Variants in CGNL1 observed in about 807,000 individuals in gnomAD.
The protein encoded by CGNL1 is cingulin-like protein 1.
CGNL1 carries 132 observed loss-of-function variants against 141.2 expected under a neutral mutation model. The ratio of observed to expected loss-of-function variants is 0.93; its 90% CI spans 0.81 to 1.08. The LOEUF is 1.08. Ranked by LOEUF, CGNL1 falls within the 50% of genes least tolerant of loss-of-function variation. The pLI, the probability that CGNL1 is intolerant of heterozygous loss-of-function variation, is 0.00. For missense variants in CGNL1, 1,870 were observed against 1,588.6 expected (o/e 1.18, Z -3.01); for synonymous variants, 690 against 622.1 (o/e 1.11, Z -1.63).
At chr15:57,417,891 C>G (rs1483324227) in intron 1 of CGNL1, among the ~76,000 whole-genome samples, 5 of 152,090 alleles carry the variant, frequency 3.3e-5, no homozygotes, top group Non-Finnish European at 7.3e-5. Flanking sequence ...TTTGATGGAT[C>G]TCTGGATTGG....
intron 1 of CGNL1, among the ~76,000 whole-genome samples, chr15:57,430,351 C>G (rs1231195095): frequency 6.6e-6 from 1 of 152,124 alleles, no homozygotes; most frequent in East Asian, 1.9e-4. Flanking sequence ...GTAGGAGAAA[C>G]TTTCAGAAAT....
chr15:57,451,853 G>C (rs1432671563), intron 5 of CGNL1, among the ~76,000 whole-genome samples: 1 of 152,114 alleles, frequency 6.6e-6, no homozygotes, highest in African/African-American at 2.4e-5. Context: ...ATTTAGGCAG[G>C]CCAATGGGAA....
intron 1 of CGNL1, among the ~76,000 whole-genome samples, chr15:57,437,533 A>T (rs939425444): frequency 6.6e-6 from 1 of 150,408 alleles, no homozygotes; most frequent in East Asian, 2.0e-4. Context: ...TTCATGGAAA[A>T]GTACCTAGTT....
intron 8 of CGNL1, among the ~76,000 whole-genome samples, chr15:57,473,805 T>A (rs1406427284): frequency 6.6e-6 from 1 of 151,548 alleles, no homozygotes; most frequent in Admixed American, 6.6e-5. Flanking sequence ...TTCAGATGAC[T>A]ATAACCTTGA....
At chr15:57,420,047 C>G (rs1328492345) in intron 1 of CGNL1, among the ~76,000 whole-genome samples, 2 of 152,166 alleles carry the variant, frequency 1.3e-5, no homozygotes, top group Non-Finnish European at 1.5e-5. Flanking sequence ...TTAGTTGGCT[C>G]CTGTGTCCCT....
At chr15:57,399,716 A>G (rs935808850) in intron 1 of CGNL1, among the ~76,000 whole-genome samples, 3 of 152,028 alleles carry the variant, frequency 2.0e-5, no homozygotes, top group African/African-American at 7.2e-5. Flanking sequence ...TCCATTGAGG[A>G]TTGCAGGTCG....
At chr15:57,378,385 T>C (rs1262510646) in intron 1 of CGNL1, among the ~76,000 whole-genome samples, 3 of 122,676 alleles carry the variant, frequency 2.4e-5, no homozygotes, top group East Asian at 4.4e-4. Context: ...TTTTTTTTTT[T>C]TTTTTTTTTT....
chr15:57,448,758 C>G (rs545383958), intron 4 of CGNL1, among the ~76,000 whole-genome samples: 3 of 151,906 alleles, frequency 2.0e-5, no homozygotes, highest in Non-Finnish European at 2.9e-5. Flanking sequence ...TGGGTCATCT[C>G]TATGTCTGTT....
At chr15:57,544,368 A>G in intron 15 of CGNL1, 105 bp from the exon 16 acceptor site, 1 of 1,400,494 alleles carries the variant, frequency 7.1e-7, no homozygotes, top group East Asian at 2.3e-5. Context: ...AAGCAGCCTC[A>G]TCGCATGCAG....
intron 14 of CGNL1, among the ~76,000 whole-genome samples, chr15:57,543,252 G>A (rs74410657): frequency 1.1e-4 from 13 of 114,142 alleles, no homozygotes; most frequent in East Asian, 4.6e-4. Context: ...TCACGTGGCC[G>A]TCTTCCCTGT....
intron 11 of CGNL1, among the ~76,000 whole-genome samples, chr15:57,524,224 A>G (rs1300724070): frequency 6.6e-6 from 1 of 152,254 alleles, no homozygotes; most frequent in Non-Finnish European, 1.5e-5. Context: ...ATCTGTGGAT[A>G]CTAATTCTGA....
chr15:57,400,319 G>C (rs1209076174), intron 1 of CGNL1, among the ~76,000 whole-genome samples: 3 of 152,136 alleles, frequency 2.0e-5, no homozygotes, highest in African/African-American at 7.2e-5. Flanking sequence ...TCTGCCTTTT[G>C]TGGTTCTTCT....
chr15:57,515,654 T>A (rs1358855270), intron 8 of CGNL1, among the ~76,000 whole-genome samples: 1 of 152,156 alleles, frequency 6.6e-6, no homozygotes, highest in Non-Finnish European at 1.5e-5. Context: ...CACTTCAAAT[T>A]GCTAAACCGA....
intron 14 of CGNL1, among the ~76,000 whole-genome samples, chr15:57,532,987 G>A (rs557922758): frequency 1.5e-3 from 221 of 152,230 alleles, no homozygotes; most frequent in Middle Eastern, 3.4e-3. Context: ...TCGGTTCAGG[G>A]TGACCAAGAA....
At chr15:57,443,444 G>A (rs1347104009) in intron 4 of CGNL1, among the ~76,000 whole-genome samples, 1 of 152,198 alleles carries the variant, frequency 6.6e-6, no homozygotes, top group African/African-American at 2.4e-5. Flanking sequence ...TTCTGCATGG[G>A]AAGGAAAGAG....
At chr15:57,499,550 C>A (rs1401672083) in intron 8 of CGNL1, among the ~76,000 whole-genome samples, 1 of 152,068 alleles carries the variant, frequency 6.6e-6, no homozygotes, top group Non-Finnish European at 1.5e-5. Context: ...CATGGCTTTT[C>A]TTATTATGTA....
At chr15:57,522,059 G>A (rs1241281234) in intron 10 of CGNL1, among the ~76,000 whole-genome samples, 1 of 152,158 alleles carries the variant, frequency 6.6e-6, no homozygotes, top group Non-Finnish European at 1.5e-5. Flanking sequence ...CCCCAGGTTT[G>A]ACCCTGCTTC....
intron 8 of CGNL1, among the ~76,000 whole-genome samples, chr15:57,503,130 C>G (rs572644278): frequency 1.5e-3 from 224 of 152,300 alleles, no homozygotes; most frequent in African/African-American, 5.0e-3. Context: ...TGCAGAGCCT[C>G]GCTGTAACAC....
chr15:57,465,881 A>G (rs1401452040), intron 8 of CGNL1, among the ~76,000 whole-genome samples: 1 of 152,190 alleles, frequency 6.6e-6, no homozygotes, highest in African/African-American at 2.4e-5. Flanking sequence ...GAAAAATGTC[A>G]AATTATATTT....
Sources: gnomAD v4.1 joint callset for allele counts (sites outside exome capture counted in the v4.1 genomes callset) on GRCh38, gnomAD v4.1.1 for gene constraint, MANE v1.5 for transcripts, NCBI Gene and HGNC (gene_info 2026-07-23, HGNC 2026-07-21) for gene names.